The following PCDHGA2 variants were observed in gnomAD, a reference collection of about 807,000 sequenced individuals.
PCDHGA2 encodes the protein protocadherin gamma subfamily A, 2, also known as protocadherin gamma-A2.
Under a neutral mutation model 59.2 loss-of-function variants are expected in PCDHGA2, and 40 were observed. The observed-to-expected ratio is 0.68, with a 90% CI of 0.52 to 0.88. The LOEUF is 0.88. Ranked by LOEUF, PCDHGA2 falls within the 40% of genes least tolerant of loss-of-function variation. The pLI is 0.00. For missense variants in PCDHGA2, 1,226 were observed against 1,204.0 expected (o/e 1.02, Z -0.27); for synonymous variants, 560 against 526.0 (o/e 1.06, Z -0.89).
Position 141,431,669 on chromosome 5 carries a change from A to G in PCDHGA2, c.2425-63138A>G, listed in dbSNP as rs2154554523. ...TTGTAATTCAGGGACAATATCAACA[A>G]TAGGGGAGTTGGACCACGAGGAGTC... On this transcript the variant is annotated intron_variant, in intron 1 of 3. Transcript: ENST00000394576. The surrounding 1 kb of genome is among the most constrained non-coding windows in gnomAD (Gnocchi z 4.8). 2 of 1,614,210 alleles carry G rather than the reference A, an allele frequency of 1.2e-6. No individual in the cohort carries two copies. Among genetic ancestry groups the G allele is most frequent in the South Asian group, 1.1e-5 (1 of 91,084 alleles).
At chr5:141,383,558 C>A (rs374657057) in intron 1 of PCDHGA2, 1 of 1,612,822 alleles carries the variant, frequency 6.2e-7, no homozygotes, top group Admixed American at 1.7e-5. Flanking sequence ...GGCGGCGACC[C>A]GCCCCGATCC....
chr5:141,415,660 T>C, intron 1 of PCDHGA2: 2 of 1,583,052 alleles, frequency 1.3e-6, no homozygotes, highest in Non-Finnish European at 8.6e-7. Context: ...AAAGATTGGT[T>C]TTTACTTTGA....
chr5:141,503,213 A>G (rs1368413073), intron 2 of PCDHGA2, among the ~76,000 whole-genome samples: 1 of 152,100 alleles, frequency 6.6e-6, no homozygotes, highest in Non-Finnish European at 1.5e-5. Flanking sequence ...AGTGCCCACC[A>G]TGAGCACCGT....
chr5:141,490,891 C>A lies in PCDHGA2; in HGVS notation c.2425-3916C>A, dbSNP rs1462296497. The A allele has an allele frequency of 6.2e-7, 1 of 1,613,204 alleles. No homozygotes were observed. Among genetic ancestry groups the A allele is most frequent in the Non-Finnish European group, 8.5e-7 (1 of 1,179,262 alleles). On this transcript the variant is annotated intron_variant, in intron 1 of 3. Transcript: ENST00000394576. This position sits in a 1 kb window ranked among gnomAD's most constrained non-coding sequence, Gnocchi z 5.4. ...CCCATTGCATGCCAACACATCTCTGCATGTGTTTGTCCTAGACGAGAATGA... is the reference window on the plus strand; with the variant it reads ...CCCATTGCATGCCAACACATCTCTGAATGTGTTTGTCCTAGACGAGAATGA...
chr5:141,352,758 G>A (rs979968894), intron 1 of PCDHGA2: 18 of 1,339,206 alleles, frequency 1.3e-5, no homozygotes, highest in Non-Finnish European at 1.8e-5. Flanking sequence ...ACCAGGCTGA[G>A]GCAGGTGGAT....
chr5:141,372,625 G>A (rs1768925620), intron 1 of PCDHGA2: 8 of 1,614,000 alleles, frequency 5.0e-6, no homozygotes, highest in Non-Finnish European at 6.8e-6. Flanking sequence ...CCCACCTACA[G>A]CGAAAGGACT....
chr5:141,405,229 C>T, intron 1 of PCDHGA2: 1 of 1,614,144 alleles, frequency 6.2e-7, no homozygotes, highest in Non-Finnish European at 8.5e-7. Context: ...AGTTCTCCCT[C>T]ACCGCTGACT....
At chr5:141,452,377 A>G (rs2098740152) in intron 1 of PCDHGA2, among the ~76,000 whole-genome samples, 1 of 152,222 alleles carries the variant, frequency 6.6e-6, no homozygotes, top group African/African-American at 2.4e-5. Flanking sequence ...TTAGTAGGGA[A>G]TAGTATTTAG....
intron 1 of PCDHGA2, chr5:141,433,013 AC>A: frequency 6.2e-7 from 1 of 1,614,018 alleles, no homozygotes; most frequent in Non-Finnish European, 8.5e-7. Flanking sequence ...TTTCCTGCAG[AC>A]CTATTCCCAC....
chr5:141,388,626 A>C, intron 1 of PCDHGA2: 1 of 1,613,974 alleles, frequency 6.2e-7, no homozygotes, highest in Non-Finnish European at 8.5e-7. Flanking sequence ...AGACGTATAC[A>C]GGGTGAGCCT....
Position 141,428,071 on chromosome 5 carries a change from C to T in PCDHGA2, c.2425-66736C>T, listed in dbSNP as rs968712502. ...AAGGTGGTGGCGGTGGACGCAGATTCGGGACACAACGCTTGGCTGTCCTAC... is the reference window on the plus strand; with the variant it reads ...AAGGTGGTGGCGGTGGACGCAGATTTGGGACACAACGCTTGGCTGTCCTAC... On this transcript the variant is annotated intron_variant, in intron 1 of 3. Transcript: ENST00000394576. The T allele has an allele frequency of 5.6e-6, 9 of 1,609,140 alleles. No homozygotes were observed. In the Middle Eastern group the frequency reaches 1.0e-3, roughly 184 times the overall value.
At chr5:141,381,854 A>T (rs1588908690) in intron 1 of PCDHGA2, among the ~76,000 whole-genome samples, 9 of 54,602 alleles carry the variant, frequency 1.6e-4, no homozygotes, top group South Asian at 5.1e-4. Context: ...TTTTTGGCAG[A>T]GTTTTGCTCT....
intron 1 of PCDHGA2, chr5:141,357,188 C>A: frequency 1.2e-6 from 2 of 1,613,782 alleles, no homozygotes; most frequent in Non-Finnish European, 1.7e-6. Context: ...CTCACTGTGG[C>A]TGTGGCCGAC....
At chr5:141,421,613 A>G in intron 1 of PCDHGA2, 2 of 1,613,838 alleles carry the variant, frequency 1.2e-6, no homozygotes, top group South Asian at 2.2e-5. Flanking sequence ...GATATTAATG[A>G]TAACGCCCCC....
intron 1 of PCDHGA2, chr5:141,344,402 T>C: frequency 6.2e-7 from 1 of 1,611,462 alleles, no homozygotes; most frequent in South Asian, 1.1e-5. Flanking sequence ...AAATAGAAAT[T>C]AAAGATATTA....
chr5:141,419,317 T>C, intron 1 of PCDHGA2: 1 of 1,613,952 alleles, frequency 6.2e-7, no homozygotes, highest in Non-Finnish European at 8.5e-7. Flanking sequence ...TCAACGGCCG[T>C]GTCTCCTACT....
intron 1 of PCDHGA2, among the ~76,000 whole-genome samples, chr5:141,469,684 T>C (rs1471928749): frequency 6.6e-6 from 1 of 152,256 alleles, no homozygotes; most frequent in Non-Finnish European, 1.5e-5. Flanking sequence ...ACATATGCAT[T>C]GGTCCTATGA....
chr5:141,433,582 T>TCCCA (rs758953161), intron 1 of PCDHGA2, among the ~76,000 whole-genome samples: 4 of 151,942 alleles, frequency 2.6e-5, no homozygotes, highest in Non-Finnish European at 5.9e-5. Flanking sequence ...ACGCCTGTAA[T>TCCCA]CCCAGTACTT....
At chr5:141,467,005 G>A (rs1365805332) in intron 1 of PCDHGA2, among the ~76,000 whole-genome samples, 3 of 150,724 alleles carry the variant, frequency 2.0e-5, no homozygotes, top group Non-Finnish European at 4.4e-5. Flanking sequence ...TTTTTGCAAT[G>A]CAATTTTTTT....
Sources: gnomAD v4.1 joint callset for allele counts (sites outside exome capture counted in the v4.1 genomes callset) on GRCh38, gnomAD v4.1.1 for gene constraint, Gnocchi (gnomAD v3.1) non-coding constraint, MANE v1.5 for transcripts, NCBI Gene and HGNC (gene_info 2026-07-23, HGNC 2026-07-21) for gene names.